CPSF3: variants seen among roughly 807,000 people sequenced by gnomAD.
CPSF3 encodes cleavage and polyadenylation specific factor 3, also known as cleavage and polyadenylation specificity factor subunit 3.
In CPSF3, 57 loss-of-function variants were observed where a neutral mutation model predicts 84.1. That is an observed-to-expected ratio of 0.68 (90% CI 0.55 to 0.85). The LOEUF (loss-of-function observed/expected upper bound fraction) is 0.85. Among genes scored for constraint, CPSF3 ranks in the 40% least tolerant of loss-of-function variants. The pLI is 0.00. For missense variants in CPSF3, 522 were observed against 838.8 expected (o/e 0.62, Z 4.66); for synonymous variants, 275 against 278.1 (o/e 0.99, Z 0.11).
chr2:9,447,237 T>C (rs1681155588), intron 10 of CPSF3, among the ~76,000 whole-genome samples: 1 of 152,254 alleles, frequency 6.6e-6, no homozygotes, highest in Admixed American at 6.5e-5. Flanking sequence ...CCTAGCATTT[T>C]GGGAGGCCAA....
intron 10 of CPSF3, among the ~76,000 whole-genome samples, chr2:9,444,822 C>A (rs907205430): frequency 5.3e-5 from 8 of 152,060 alleles, no homozygotes; most frequent in African/African-American, 1.4e-4. Context: ...CGTGCCACCA[C>A]GCCCAGCTAA....
intron 5 of CPSF3, among the ~76,000 whole-genome samples, chr2:9,433,552 C>G (rs2148937071): frequency 6.6e-6 from 1 of 152,328 alleles, no homozygotes; most frequent in South Asian, 2.1e-4. Flanking sequence ...CCTCAGTGCA[C>G]TCCTTTCCTT....
At chr2:9,466,360 A>ACC (rs1267623801) in intron 15 of CPSF3, among the ~76,000 whole-genome samples, 19 of 145,794 alleles carry the variant, frequency 1.3e-4, no homozygotes, top group African/African-American at 5.0e-4. Context: ...GCGCACACAC[A>ACC]CACGCACACA....
chr2:9,466,165 ACCCTGTCTCT>A (rs1298942528), intron 15 of CPSF3, among the ~76,000 whole-genome samples: 1 of 150,572 alleles, frequency 6.6e-6, no homozygotes, highest in African/African-American at 2.4e-5. Flanking sequence ...ACATGCTAAA[ACCCTGTCTCT>A]ACACGCACAC....
intron 15 of CPSF3, among the ~76,000 whole-genome samples, chr2:9,467,479 AT>A (rs1412810503): frequency 2.6e-5 from 4 of 152,156 alleles, no homozygotes; most frequent in African/African-American, 4.8e-5. Flanking sequence ...GGGTGAAAAG[AT>A]GTAATAGAAA....
chr2:9,461,036 T>C (rs1432081659), intron 15 of CPSF3, among the ~76,000 whole-genome samples: 3 of 152,258 alleles, frequency 2.0e-5, no homozygotes, highest in Admixed American at 6.5e-5. Context: ...TTGTAATTCA[T>C]TTCTTATGCT....
chr2:9,430,133 C>A, intron 3 of CPSF3, 113 bp downstream of exon 3: 1 of 632,392 alleles, frequency 1.6e-6, no homozygotes, highest in East Asian at 3.1e-5. Context: ...TGCTAGGAAG[C>A]ATATTGCAGA....
Position 9,455,764 on chromosome 2 carries a change from G to T in CPSF3, c.1603+7G>T. ...CAGCTGCAGAAATTGACAGGTGTGT[G>T]TGTGTACTGAAATTCATTTCATTGT... On this transcript the variant is annotated splice_region_variant and intron_variant, in intron 13 of 17. Coordinates refer to ENST00000238112, the MANE Select transcript of CPSF3 (RefSeq NM_016207.4). The T allele has an allele frequency of 6.3e-7, 1 of 1,583,908 alleles. No individual in the cohort carries two copies. The highest frequency in any genetic ancestry group is 8.7e-7 in the Non-Finnish European group (1 of 1,155,854).
intron 15 of CPSF3, among the ~76,000 whole-genome samples, chr2:9,461,629 C>G (rs1035652489): frequency 4.6e-5 from 7 of 151,342 alleles, no homozygotes; most frequent in African/African-American, 1.7e-4. Flanking sequence ...GAGATCACAC[C>G]ACTGCATTTC....
chr2:9,437,630 C>T (rs1680830922), intron 7 of CPSF3, among the ~76,000 whole-genome samples: 1 of 152,184 alleles, frequency 6.6e-6, no homozygotes, highest in Non-Finnish European at 1.5e-5. Flanking sequence ...TACATTTGTA[C>T]TTCATGATCC....
intron 17 of CPSF3, 81 bp downstream of exon 17, chr2:9,471,520 A>G (rs1682163772): frequency 3.5e-6 from 3 of 847,716 alleles, no homozygotes; most frequent in Non-Finnish European, 6.2e-6. Context: ...CTCACACTCA[A>G]CAGTCTACTG....
rs532143759 is a variant in CPSF3, at chr2:9,465,563, A to G, written c.1787-2144A>G. Among the ~76,000 whole-genome samples, 860 of 147,718 alleles carry G rather than the reference A, an allele frequency of 5.8e-3. 9 individuals are homozygous for G. The highest frequency in any genetic ancestry group is 0.022 in the East Asian group (113 of 5,168). ...ATCATACACACACACACACACACAC[A>G]CGCGCGCGCGTTTATATATAAAAAA... is the stretch of plus-strand genomic sequence containing the variant. On this transcript the variant is annotated intron_variant, in intron 15 of 17. Transcript: ENST00000238112.
chr2:9,428,085 C>T (rs1266662427), intron 1 of CPSF3, among the ~76,000 whole-genome samples: 1 of 151,836 alleles, frequency 6.6e-6, no homozygotes, highest in African/African-American at 2.4e-5. Context: ...CAAGCTCCGC[C>T]TCCTGGGTTC....
At chr2:9,469,478 G>A (rs564568262) in intron 16 of CPSF3, among the ~76,000 whole-genome samples, 17 of 152,274 alleles carry the variant, frequency 1.1e-4, no homozygotes, top group South Asian at 2.1e-4. Context: ...GACTGGCCCC[G>A]CTCTCCCACG....
At chr2:9,457,349 C>G (rs962670331) in intron 14 of CPSF3, among the ~76,000 whole-genome samples, 2 of 151,992 alleles carry the variant, frequency 1.3e-5, no homozygotes, top group Non-Finnish European at 2.9e-5. Context: ...TCCAGGATGT[C>G]TTTAGTTATA....
chr2:9,453,762 G>A (rs561839179), intron 12 of CPSF3, among the ~76,000 whole-genome samples: 2 of 152,186 alleles, frequency 1.3e-5, no homozygotes, highest in South Asian at 2.1e-4. Context: ...GTGGTGGCAC[G>A]TGCCTGTGGT....
chr2:9,465,870 G>C (rs1395713108), intron 15 of CPSF3, among the ~76,000 whole-genome samples: 5 of 152,020 alleles, frequency 3.3e-5, no homozygotes, highest in Non-Finnish European at 7.4e-5. Context: ...CATATATATG[G>C]GGTGTGTGTG....
intron 10 of CPSF3, among the ~76,000 whole-genome samples, chr2:9,446,471 CT>C (rs1681126376): frequency 6.6e-6 from 1 of 151,754 alleles, no homozygotes; most frequent in Non-Finnish European, 1.5e-5. Flanking sequence ...GTCCCAGCTA[CT>C]CGGGAGGCCG....
chr2:9,466,184 A>G (rs1484842323), intron 15 of CPSF3, among the ~76,000 whole-genome samples: 5 of 150,226 alleles, frequency 3.3e-5, no homozygotes, highest in African/African-American at 1.0e-4. Flanking sequence ...CTACACGCAC[A>G]CACACACGCG....
Sources: gnomAD v4.1 joint callset for allele counts (sites outside exome capture counted in the v4.1 genomes callset) on GRCh38, gnomAD v4.1.1 for gene constraint, MANE v1.5 for transcripts, NCBI Gene and HGNC (gene_info 2026-07-23, HGNC 2026-07-21) for gene names.